The following NALF1 variants were observed in gnomAD, a reference collection of about 807,000 sequenced individuals.
NALF1 encodes the protein NALCN channel auxiliary factor 1.
NALF1 carries 3 observed loss-of-function variants against 48.4 expected under a neutral mutation model. The ratio of observed to expected loss-of-function variants is 0.06; its 90% CI spans 0.03 to 0.16. NALF1 has a LOEUF of 0.16. NALF1 is among the 10% of genes least tolerant of loss of function. The pLI is 1.00. For synonymous variants in NALF1, 262 were observed against 245.7 expected (o/e 1.07, Z -0.62); for missense variants, 526 against 571.5 (o/e 0.92, Z 0.81).
chr13:107,836,197 C>A (rs1775057402), intron 1 of NALF1, among the ~76,000 whole-genome samples: 1 of 152,024 alleles, frequency 6.6e-6, no homozygotes, highest in African/African-American at 2.4e-5. Context: ...CATCATGTTT[C>A]CCAGGCTGAT....
At chr13:107,568,651 T>C (rs1320640114) in intron 1 of NALF1, among the ~76,000 whole-genome samples, 5 of 152,238 alleles carry the variant, frequency 3.3e-5, no homozygotes, top group Admixed American at 1.3e-4. Context: ...CTAATAGATA[T>C]GTACTAATTT....
chr13:107,605,811 T>A (rs1328214925), intron 1 of NALF1, among the ~76,000 whole-genome samples: 1 of 152,160 alleles, frequency 6.6e-6, no homozygotes, highest in Non-Finnish European at 1.5e-5. Flanking sequence ...ACATATTAGT[T>A]GAAGAAAACA....
chr13:107,831,971 A>C (rs1456673204), intron 1 of NALF1, among the ~76,000 whole-genome samples: 1 of 152,150 alleles, frequency 6.6e-6, no homozygotes, highest in Non-Finnish European at 1.5e-5. Context: ...TTGAGGAAAA[A>C]AATTTTTCAT....
chr13:107,852,828 A>G (rs1026318491), intron 1 of NALF1, among the ~76,000 whole-genome samples: 4 of 152,238 alleles, frequency 2.6e-5, no homozygotes, highest in Admixed American at 1.3e-4. Flanking sequence ...AGGGCCATAC[A>G]AAATAACCCA....
Position 107,866,651 on chromosome 13 carries a change from G to C in NALF1, c.-55C>G. ...CCACCGTGAGGGCGCCTGTGCCGGT[G>C]TCACCACAATATGCATTGACTTAAA... On this transcript the variant is annotated 5_prime_UTR_variant, in exon 1 of 3. Transcript: ENST00000375915. The surrounding 1 kb of genome is among the most constrained non-coding windows in gnomAD (Gnocchi z 4.4). 6.8e-7 allele frequency: 1 copy of C among 1,462,164 alleles called. No homozygotes were observed. The highest frequency in any genetic ancestry group is 9.3e-7 in the Non-Finnish European group (1 of 1,077,072). The allele number at this position is 1,462,164 out of a possible 1,614,324, so 90.6% of individuals were successfully genotyped here. A position where few individuals can be genotyped will look rare whatever the true frequency, so the allele number is the denominator to read the frequency against.
intron 1 of NALF1, among the ~76,000 whole-genome samples, chr13:107,860,046 G>A (rs768164143): frequency 6.6e-5 from 10 of 151,488 alleles, no homozygotes; most frequent in African/African-American, 2.4e-5. Flanking sequence ...AGTATCTCAT[G>A]AATTAAACTT....
chr13:107,343,855 A>G (rs1425525769), intron 1 of NALF1, among the ~76,000 whole-genome samples: 1 of 152,178 alleles, frequency 6.6e-6, no homozygotes, highest in Admixed American at 6.6e-5. Context: ...AATAAAAATT[A>G]GACCAGAAAT....
At chr13:107,563,400 T>A (rs1478114949) in intron 1 of NALF1, among the ~76,000 whole-genome samples, 2 of 152,154 alleles carry the variant, frequency 1.3e-5, no homozygotes, top group Admixed American at 6.5e-5. Flanking sequence ...AGAGAGCTCC[T>A]CAGAAAGGCA....
At chr13:107,183,682 T>C (rs1190379411) in intron 2 of NALF1, among the ~76,000 whole-genome samples, 1 of 152,172 alleles carries the variant, frequency 6.6e-6, no homozygotes, top group Admixed American at 6.5e-5. Context: ...GATGAGTTCA[T>C]GTCCTTTGCA....
chr13:107,638,843 G>C (rs1475482495), intron 1 of NALF1, among the ~76,000 whole-genome samples: 1 of 152,140 alleles, frequency 6.6e-6, no homozygotes, highest in East Asian at 1.9e-4. Flanking sequence ...CAGAAGGCTA[G>C]TGAGGCTGGA....
At chr13:107,521,390 A>C (rs1003663191) in intron 1 of NALF1, among the ~76,000 whole-genome samples, 16 of 152,202 alleles carry the variant, frequency 1.1e-4, no homozygotes, top group African/African-American at 3.9e-4. Context: ...TGTAATAGAA[A>C]ACCTATATAG....
chr13:107,637,038 C>T (rs9559116), intron 1 of NALF1, among the ~76,000 whole-genome samples: 88,133 of 151,428 alleles, frequency 0.58, 28,035 homozygotes, highest in East Asian at 0.99. Context: ...CAACTGCCTA[C>T]GGTATCAGTA....
At chr13:107,786,257 A>T (rs1878066624) in intron 1 of NALF1, among the ~76,000 whole-genome samples, 1 of 151,680 alleles carries the variant, frequency 6.6e-6, no homozygotes, top group South Asian at 2.1e-4. Context: ...TCTCTACTAA[A>T]AATACAAAAT....
chr13:107,506,339 C>T (rs761872167), intron 1 of NALF1, among the ~76,000 whole-genome samples: 6 of 151,886 alleles, frequency 4.0e-5, no homozygotes, highest in East Asian at 1.9e-4. Flanking sequence ...TTCACTAATA[C>T]GATTTTTAAA....
chr13:107,855,386 A>G (rs966287872), intron 1 of NALF1, among the ~76,000 whole-genome samples: 5 of 152,246 alleles, frequency 3.3e-5, no homozygotes, highest in African/African-American at 1.2e-4. Context: ...CTCATCAGCT[A>G]TCATTAGTGT....
intron 1 of NALF1, among the ~76,000 whole-genome samples, chr13:107,377,336 T>G (rs899469199): frequency 3.9e-5 from 6 of 152,220 alleles, no homozygotes; most frequent in African/African-American, 1.4e-4. Context: ...TGTCTAGCAC[T>G]TGGGTGAGGC....
In NALF1 at chr13:107,262,560, T is replaced by C. The variant is rs553565777; in HGVS notation, c.916-51805A>G. Among the ~76,000 whole-genome samples, 5 of 152,334 alleles carry C rather than the reference T, an allele frequency of 3.3e-5. No homozygotes were observed. In the South Asian group the frequency reaches 6.2e-4, roughly 19 times the overall value. ...AGAGTTAATTCACTTCCAAAATGTATGTGTTATAGGCACAAAAACAATCAT... is the reference window on the plus strand; with the variant it reads ...AGAGTTAATTCACTTCCAAAATGTACGTGTTATAGGCACAAAAACAATCAT... On this transcript the variant is annotated intron_variant, in intron 1 of 2. Coordinates refer to ENST00000375915, the MANE Select transcript of NALF1 (RefSeq NM_001080396.3).
chr13:107,498,699 T>C (rs1875416858), intron 1 of NALF1, among the ~76,000 whole-genome samples: 1 of 152,186 alleles, frequency 6.6e-6, no homozygotes, highest in African/African-American at 2.4e-5. Context: ...AATATACTTA[T>C]GAAAGTATTA....
rs1389188368 is a variant in NALF1, at chr13:107,718,219, T to C, written c.915+147463A>G. On this transcript the variant is annotated intron_variant, in intron 1 of 2. Transcript: ENST00000375915. ...CTGACCTTGATGTTCTTTCTCTCTG[T>C]TATGACCCTATTGCTCTGTCTCAGA... 2.6e-5 allele frequency among the ~76,000 whole-genome samples: 4 copies of C among 152,192 alleles called. No individual in the cohort carries two copies. The East Asian group carries it at 7.7e-4, about 29-fold the overall frequency.
Sources: gnomAD v4.1 joint callset for allele counts (sites outside exome capture counted in the v4.1 genomes callset) on GRCh38, gnomAD v4.1.1 for gene constraint, Gnocchi (gnomAD v3.1) non-coding constraint, MANE v1.5 for transcripts, NCBI Gene and HGNC (gene_info 2026-07-23, HGNC 2026-07-21) for gene names.